Variants in DOCK1 observed in about 807,000 individuals in gnomAD.
DOCK1 encodes dedicator of cytokinesis 1.
A neutral mutation model predicts 262.7 loss-of-function variants in DOCK1; 138 were observed. The ratio of observed to expected loss-of-function variants is 0.53; its 90% CI spans 0.46 to 0.61. The LOEUF (loss-of-function observed/expected upper bound fraction) is 0.61, where lower values mean the gene tolerates loss of function less well. DOCK1 is among the 20% of genes least tolerant of loss of function. The pLI is 0.00. For synonymous variants in DOCK1, 866 were observed against 867.4 expected, an observed-to-expected ratio of 1.00 and a Z score of 0.03; for missense variants, 1,908 against 2,370.7, an observed-to-expected ratio of 0.80 and a Z score of 4.05.
At chr10:127,296,671 A>G (rs777024247) in intron 29 of DOCK1, among the ~76,000 whole-genome samples, 4 of 152,200 alleles carry the variant, frequency 2.6e-5, no homozygotes, top group Admixed American at 2.6e-4. Context: ...GCTTCTAAAC[A>G]TACCTGGTCT....
In DOCK1 at chr10:127,398,329, G is replaced by A. The variant is rs758452304; in HGVS notation, c.3928-4726G>A. Among the ~76,000 whole-genome samples, 27 of 152,318 alleles carry A rather than the reference G, an allele frequency of 1.8e-4. No homozygotes were observed. In the South Asian group the frequency reaches 1.9e-3, roughly 11 times the overall value. ...GCAAAGGGTCTCCATTCCTTGCAGCGTAGTTGCAGGCAACACCAAGACTAG... is the reference window on the plus strand; with the variant it reads ...GCAAAGGGTCTCCATTCCTTGCAGCATAGTTGCAGGCAACACCAAGACTAG... On this transcript the variant is annotated intron_variant, in intron 38 of 51. Transcript: ENST00000623213.
chr10:127,175,227 TCTC>T lies in DOCK1; in HGVS notation c.2847+47466_2847+47468del. 6.2e-7 allele frequency: 1 copy of T among 1,613,456 alleles called. No individual in the cohort carries two copies. Among genetic ancestry groups the T allele is most frequent in the Non-Finnish European group, 8.5e-7 (1 of 1,179,632 alleles). On this transcript the variant is annotated intron_variant, in intron 27 of 51. Coordinates refer to ENST00000623213, the MANE Select transcript of DOCK1 (RefSeq NM_001290223.2). The surrounding 1 kb of genome is among the most constrained non-coding windows in gnomAD (Gnocchi z 6.3). Reference sequence around the variant, plus strand: ...ACATACATACCCTTCCCGATGGGCCTCTCCTTTTTCCAACTCCTGAATGACCCC... The same window carrying T: ...ACATACATACCCTTCCCGATGGGCCTCTTTTTCCAACTCCTGAATGACCCC...
At chr10:127,152,475 C>G (rs1592250674) in intron 27 of DOCK1, among the ~76,000 whole-genome samples, 1 of 152,220 alleles carries the variant, frequency 6.6e-6, no homozygotes, top group African/African-American at 2.4e-5. Context: ...AGGGGCCCCT[C>G]CTCCCTTCCT....
chr10:126,913,286 A>G (rs921613452), intron 1 of DOCK1, among the ~76,000 whole-genome samples: 5 of 146,096 alleles, frequency 3.4e-5, no homozygotes, highest in Non-Finnish European at 6.0e-5. Flanking sequence ...ACTTAATTCC[A>G]GTTTCTTACC....
intron 23 of DOCK1, among the ~76,000 whole-genome samples, chr10:127,102,416 C>T (rs560306814): frequency 2.4e-4 from 36 of 152,240 alleles, no homozygotes; most frequent in Admixed American, 1.1e-3. Flanking sequence ...CATGAACTCA[C>T]TTGAAATGAC....
chr10:127,440,558 G>A (rs556643093), intron 49 of DOCK1, among the ~76,000 whole-genome samples: 10 of 152,304 alleles, frequency 6.6e-5, no homozygotes, highest in East Asian at 1.9e-4. Context: ...AGCCCTGGGC[G>A]TCGGCGGGCT....
chr10:127,353,144 C>T (rs1278658017), intron 31 of DOCK1, among the ~76,000 whole-genome samples: 3 of 152,250 alleles, frequency 2.0e-5, no homozygotes, highest in Middle Eastern at 3.4e-3. Flanking sequence ...ACCTGCACAT[C>T]GAGAACCTCA....
chr10:127,184,613 A>G (rs865942735), intron 27 of DOCK1, among the ~76,000 whole-genome samples: 1 of 151,986 alleles, frequency 6.6e-6, no homozygotes, highest in Non-Finnish European at 1.5e-5. Context: ...AAGATCATCT[A>G]TACTTTTTCC....
chr10:126,960,807 CACAT>C (rs1394437247), intron 1 of DOCK1, among the ~76,000 whole-genome samples: 54 of 140,406 alleles, frequency 3.8e-4, no homozygotes, highest in East Asian at 1.2e-3. Context: ...CACACACACA[CACAT>C]AGATATATAC....
At chr10:127,023,591 G>T (rs1378688213) in intron 14 of DOCK1, among the ~76,000 whole-genome samples, 1 of 147,596 alleles carries the variant, frequency 6.8e-6, no homozygotes, top group African/African-American at 2.5e-5. Flanking sequence ...TGCCCAGGCT[G>T]GAGTGCTGCA....
intron 1 of DOCK1, among the ~76,000 whole-genome samples, chr10:126,953,053 AGTG>A (rs1291067221): frequency 2.7e-5 from 4 of 145,778 alleles, no homozygotes; most frequent in Admixed American, 6.8e-5. Flanking sequence ...TATTTTTGGT[AGTG>A]GTGGTAGTAT....
intron 1 of DOCK1, among the ~76,000 whole-genome samples, chr10:126,961,526 G>A (rs1384346838): frequency 4.6e-5 from 7 of 151,970 alleles, no homozygotes; most frequent in Non-Finnish European, 1.0e-4. Context: ...TCTTACTTTC[G>A]TTTCTTACTT....
intron 27 of DOCK1, among the ~76,000 whole-genome samples, chr10:127,153,207 A>T (rs2052682080): frequency 6.6e-6 from 1 of 152,270 alleles, no homozygotes; most frequent in Non-Finnish European, 1.5e-5. Flanking sequence ...AAAAAAGGAT[A>T]GCCATCCTTC....
At chr10:127,153,915 T>C (rs769158740) in intron 27 of DOCK1, 1 of 1,613,764 alleles carries the variant, frequency 6.2e-7, no homozygotes, top group South Asian at 1.1e-5. Flanking sequence ...CCCCGTCCGA[T>C]ATGAAAGCCT....
At chr10:127,087,651 T>G (rs1477930905) in intron 23 of DOCK1, among the ~76,000 whole-genome samples, 4 of 152,078 alleles carry the variant, frequency 2.6e-5, no homozygotes, top group Admixed American at 2.6e-4. Context: ...CCCTGTGCAG[T>G]TTAGGGTAGT....
chr10:127,288,935 G>T (rs1031736421), intron 29 of DOCK1, among the ~76,000 whole-genome samples: 13 of 151,996 alleles, frequency 8.6e-5, no homozygotes, highest in Non-Finnish European at 1.6e-4. Flanking sequence ...CTTGCATGTA[G>T]CTAAACTCAT....
intron 23 of DOCK1, among the ~76,000 whole-genome samples, chr10:127,062,353 A>G (rs372025317): frequency 1.8e-4 from 27 of 152,338 alleles, no homozygotes; most frequent in East Asian, 1.5e-3. Context: ...GGTAATTAGC[A>G]TAGCATCACC....
intron 1 of DOCK1, among the ~76,000 whole-genome samples, chr10:126,925,839 T>A (rs1467821624): frequency 6.6e-6 from 1 of 151,460 alleles, no homozygotes; most frequent in South Asian, 2.1e-4. Context: ...CAGGATGGGC[T>A]TATGTCACAG....
chr10:126,927,092 CCA>C (rs1020304874), intron 1 of DOCK1, among the ~76,000 whole-genome samples: 4 of 152,282 alleles, frequency 2.6e-5, no homozygotes, highest in African/African-American at 9.6e-5. Context: ...TGTCTTATCT[CCA>C]GTCATTGAGG....
Sources: gnomAD v4.1 joint callset for allele counts (sites outside exome capture counted in the v4.1 genomes callset) on GRCh38, gnomAD v4.1.1 for gene constraint, Gnocchi (gnomAD v3.1) non-coding constraint, MANE v1.5 for transcripts, NCBI Gene and HGNC (gene_info 2026-07-23, HGNC 2026-07-21) for gene names.